Variants in SYCP2 observed in about 807,000 individuals in gnomAD.
SYCP2 encodes synaptonemal complex protein 2.
A neutral mutation model predicts 211.3 loss-of-function variants in SYCP2; 55 were observed. The ratio of observed to expected loss-of-function variants is 0.26; its 90% CI spans 0.21 to 0.33. The LOEUF (loss-of-function observed/expected upper bound fraction) is 0.33. Among genes scored for constraint, SYCP2 ranks in the 10% least tolerant of loss-of-function variants. The pLI is 1.00. For missense variants in SYCP2, 1,731 were observed against 1,752.0 expected (o/e 0.99, Z 0.21); for synonymous variants, 570 against 555.2 (o/e 1.03, Z -0.37).
At chr20:59,904,270 T>G (rs1220520948) in intron 15 of SYCP2, among the ~76,000 whole-genome samples, 1 of 152,136 alleles carries the variant, frequency 6.6e-6, no homozygotes, top group Non-Finnish European at 1.5e-5. Flanking sequence ...ATACTCAGTG[T>G]TCCGTTCAAA....
intron 2 of SYCP2, among the ~76,000 whole-genome samples, chr20:59,927,802 G>A (rs1212362623): frequency 6.6e-6 from 1 of 152,112 alleles, no homozygotes; most frequent in Non-Finnish European, 1.5e-5. Flanking sequence ...AATGAGCCAG[G>A]CTCAGCTCAG....
At chr20:59,869,368 T>C (rs1400378717) in intron 36 of SYCP2, among the ~76,000 whole-genome samples, 2 of 151,810 alleles carry the variant, frequency 1.3e-5, no homozygotes, top group Non-Finnish European at 3.0e-5. Flanking sequence ...ACCCATCCAC[T>C]TAGGTCTAGC....
chr20:59,879,629 A>G (rs2059627603), intron 31 of SYCP2, among the ~76,000 whole-genome samples: 1 of 151,428 alleles, frequency 6.6e-6, no homozygotes, highest in Non-Finnish European at 1.5e-5. Flanking sequence ...CAACTGCTTC[A>G]GGAGATTCAC....
At position 59,867,794 on chromosome 20, in the gene SYCP2, T is replaced by C. The variant is rs1303205192; in HGVS notation, c.4042A>G (p.Thr1348Ala). Residue 1348 changes from threonine to alanine, a missense_variant, in exon 39 of 45, where the codon ACC (threonine) becomes GCC (alanine). By Grantham distance (58) the Thr-to-Ala change is moderately conservative (BLOSUM62 0). This residue lies in a region of SYCP2 where 1,387 missense variants were observed against 1,351.3 expected (regional missense o/e 1.03). Transcript: ENST00000357552. Reference sequence around the variant, plus strand: ...ATCCCTGCAAATTCATTTTGCCAGGTCTCCCAAGGAATAGAAAAGTCATTT... The same window carrying C: ...ATCCCTGCAAATTCATTTTGCCAGGCCTCCCAAGGAATAGAAAAGTCATTT... ...STNDFSIPWE[T>A]WQNEFAGIEM... 11 of 1,609,406 alleles carry C rather than the reference T, an allele frequency of 6.8e-6. No homozygotes were observed. The highest frequency in any genetic ancestry group is 9.3e-6 in the Non-Finnish European group (11 of 1,176,834).
Position 59,886,844 on chromosome 20 carries a change from A to G in SYCP2, c.2365-10T>C, listed in dbSNP as rs758884991. 1 of 1,561,828 alleles carries G rather than the reference A, an allele frequency of 6.4e-7. No individual in the cohort carries two copies. The highest frequency in any genetic ancestry group is 1.2e-5 in the South Asian group (1 of 83,346). On this transcript the variant is annotated splice_polypyrimidine_tract_variant and intron_variant, in intron 24 of 44. Coordinates refer to ENST00000357552, the MANE Select transcript of SYCP2 (RefSeq NM_014258.4). The stretch of plus-strand genomic sequence containing the variant: ...CTTTTGACTTTTCTCTCTGAAAAAA[A>G]TTGTAAGTTACTTTTAAACTCTACC...
At chr20:59,881,868 C>A (rs886153924) in intron 28 of SYCP2, 77 bp downstream of exon 28, 65 of 1,188,682 alleles carry the variant, frequency 5.5e-5, no homozygotes, top group Middle Eastern at 2.7e-4. Flanking sequence ...ACATTAAAAA[C>A]ATTCTATGTA....
chr20:59,924,096 T>C (rs1385971701), intron 2 of SYCP2, among the ~76,000 whole-genome samples: 1 of 151,860 alleles, frequency 6.6e-6, no homozygotes, highest in Non-Finnish European at 1.5e-5. Flanking sequence ...GAAATTCCCA[T>C]GTGAAAGATG....
chr20:59,865,316 A>C, intron 44 of SYCP2, 72 bp downstream of exon 44: 1 of 1,201,214 alleles, frequency 8.3e-7, no homozygotes. Context: ...ACATAAAAGC[A>C]CACACACAAA....
At chr20:59,882,911 C>T (rs924423689) in intron 26 of SYCP2, among the ~76,000 whole-genome samples, 2 of 152,140 alleles carry the variant, frequency 1.3e-5, no homozygotes, top group African/African-American at 4.8e-5. Context: ...TTGTACATTA[C>T]TCTGTGTGGC....
At chr20:59,895,335 A>C in intron 20 of SYCP2, 102 bp downstream of exon 20, 1 of 993,018 alleles carries the variant, frequency 1.0e-6, no homozygotes, top group Non-Finnish European at 1.4e-6. Flanking sequence ...TAATGCTTTA[A>C]ACAAAATGAG....
At position 59,900,298 on chromosome 20, in the gene SYCP2, T is replaced by TG. The variant is rs768472350; in HGVS notation, c.1258-15dup. 1.3e-5 allele frequency: 20 copies of TG among 1,568,152 alleles called. No individual in the cohort carries two copies. The highest frequency in any genetic ancestry group is 1.5e-5 in the Non-Finnish European group (17 of 1,164,252). ...TGGCACTAGAATCTGTTGGAGAATA[T>TG]GAAAAAAAAAGTATTTAAAACTGCA... is the stretch of plus-strand genomic sequence containing the variant. On this transcript the variant is annotated splice_polypyrimidine_tract_variant and intron_variant, in intron 17 of 44. Coordinates refer to ENST00000357552, the MANE Select transcript of SYCP2 (RefSeq NM_014258.4).
chr20:59,867,808 G>A lies in SYCP2; in HGVS notation c.4028C>T (p.Ser1343Phe), dbSNP rs2059380478. The A allele has an allele frequency of 6.2e-7, 1 of 1,609,162 alleles. No individual in the cohort carries two copies. Residue 1343 changes from serine (S) to phenylalanine (F), a missense_variant, in exon 39 of 45, where the codon TCT becomes TTT. By Grantham distance (155) the Ser-to-Phe change is radical. Coordinates refer to ENST00000357552, the MANE Select transcript of SYCP2 (RefSeq NM_014258.4). ...SVSSLSTNDFSIPWETWQNEF... is the reference protein window; with the variant it reads ...SVSSLSTNDFFIPWETWQNEF... Reference sequence around the variant, plus strand: ...ATTTTGCCAGGTCTCCCAAGGAATAGAAAAGTCATTTGTTGATAATGAAGA... The same window carrying A: ...ATTTTGCCAGGTCTCCCAAGGAATAAAAAAGTCATTTGTTGATAATGAAGA...
In SYCP2 at chr20:59,865,417, C is replaced by T; in HGVS notation, c.4486G>A (p.Val1496Met). Residue 1496 changes from valine (V) to methionine (M), a missense_variant, in exon 44 of 45, where the codon GTG (valine) becomes ATG (methionine). Val to Met is a conservative substitution (Grantham distance 21, BLOSUM62 1). Around this residue, in one of 3 missense-constraint regions of SYCP2, gnomAD observed 1,387 missense variants for 1,351.3 expected, o/e 1.03. Coordinates refer to ENST00000357552, the MANE Select transcript of SYCP2 (RefSeq NM_014258.4). Reference protein sequence around the residue: ...EMCLMKEDMKVLQDRLLKDML... With the variant: ...EMCLMKEDMKMLQDRLLKDML... Reference sequence around the variant, plus strand: ...TCCTTAAGAAGCCTGTCTTGCAGCACTTTCATATCTTCTTTCATCAAACAC... The same window carrying T: ...TCCTTAAGAAGCCTGTCTTGCAGCATTTTCATATCTTCTTTCATCAAACAC... 6.2e-7 allele frequency: 1 copy of T among 1,610,028 alleles called. No homozygotes were observed. Among genetic ancestry groups the T allele is most frequent in the Non-Finnish European group, 8.5e-7 (1 of 1,178,056 alleles).
chr20:59,866,250 A>G (rs1177533433), intron 41 of SYCP2, 43 bp downstream of exon 41: 3 of 1,324,570 alleles, frequency 2.3e-6, no homozygotes, highest in African/African-American at 1.5e-5. Flanking sequence ...CTCTTTAAAA[A>G]TAAGGTTTTA....
At chr20:59,893,007 T>C (rs2059937420) in intron 22 of SYCP2, 135 bp downstream of exon 22, 2 of 682,402 alleles carry the variant, frequency 2.9e-6, no homozygotes, top group East Asian at 2.7e-5. Context: ...TAATTCCCCA[T>C]TGTGCTGTCA....
At chr20:59,904,634 C>A (rs2060180659) in intron 15 of SYCP2, among the ~76,000 whole-genome samples, 1 of 152,124 alleles carries the variant, frequency 6.6e-6, no homozygotes, top group Non-Finnish European at 1.5e-5. Flanking sequence ...ATAGAGGCAA[C>A]AACATATGAC....
intron 14 of SYCP2, among the ~76,000 whole-genome samples, chr20:59,911,229 A>C (rs1408912333): frequency 6.6e-6 from 1 of 152,214 alleles, no homozygotes; most frequent in African/African-American, 2.4e-5. Context: ...CAGGTAAAAA[A>C]TATGCAGGTC....
intron 2 of SYCP2, among the ~76,000 whole-genome samples, chr20:59,927,266 T>C (rs1271497583): frequency 6.6e-6 from 1 of 152,154 alleles, no homozygotes; most frequent in Non-Finnish European, 1.5e-5. Flanking sequence ...GTTTTAATCT[T>C]GCAACCTTAA....
intron 41 of SYCP2, among the ~76,000 whole-genome samples, 188 bp from the exon 42 acceptor site, chr20:59,866,053 TTAAAA>T (rs890901838): frequency 2.0e-5 from 3 of 151,804 alleles, no homozygotes; most frequent in African/African-American, 4.8e-5. Flanking sequence ...CTCTTTCAAA[TTAAAA>T]TAAAATTGAA....
Sources: allele counts gnomAD v4.1 joint callset (sites outside exome capture counted in the v4.1 genomes callset), GRCh38; gene constraint gnomAD v4.1.1; regional missense constraint gnomAD v4.1.1; transcripts MANE v1.5; gene names NCBI Gene and HGNC (gene_info 2026-07-23, HGNC 2026-07-21).